The following UBASH3B variants were observed in gnomAD, a reference collection of about 807,000 sequenced individuals.
The protein encoded by UBASH3B is ubiquitin associated and SH3 domain containing B.
In UBASH3B, 37 loss-of-function variants were observed where a neutral mutation model predicts 83.4. That is an observed-to-expected ratio of 0.44 (90% confidence interval 0.34 to 0.58). UBASH3B has a LOEUF of 0.58. Ranked by LOEUF, UBASH3B falls within the 20% of genes least tolerant of loss-of-function variation. The probability of loss-of-function intolerance (pLI) is 0.01; values close to 1 mark genes in which losing one functional copy is unlikely to be tolerated. For missense variants in UBASH3B, 657 were observed against 827.2 expected, an observed-to-expected ratio of 0.79 and a Z score of 2.52; for synonymous variants, 304 against 318.3, an observed-to-expected ratio of 0.96 and a Z score of 0.48.
At chr11:122,764,178 GA>G (rs1860494030) in intron 1 of UBASH3B, among the ~76,000 whole-genome samples, 1 of 152,176 alleles carries the variant, frequency 6.6e-6, no homozygotes, top group South Asian at 2.1e-4. Flanking sequence ...ATATCCATGA[GA>G]AGAGGAAAAA....
At chr11:122,802,764 C>G (rs1397779370) in intron 11 of UBASH3B, among the ~76,000 whole-genome samples, 1 of 152,054 alleles carries the variant, frequency 6.6e-6, no homozygotes, top group African/African-American at 2.4e-5. Flanking sequence ...TGTTCTATCC[C>G]CTCTCTGGCC....
intron 1 of UBASH3B, among the ~76,000 whole-genome samples, chr11:122,769,437 G>A (rs1022989131): frequency 6.6e-6 from 1 of 152,184 alleles, no homozygotes; most frequent in African/African-American, 2.4e-5. Flanking sequence ...AAGGTTTAAA[G>A]TCTGAAGTGC....
intron 1 of UBASH3B, among the ~76,000 whole-genome samples, chr11:122,675,676 G>A (rs1442908110): frequency 6.6e-6 from 1 of 152,176 alleles, no homozygotes; most frequent in Non-Finnish European, 1.5e-5. Context: ...AAGCACTGGG[G>A]TCCATGGCCC....
At chr11:122,794,179 AC>A (rs934372415) in intron 6 of UBASH3B, among the ~76,000 whole-genome samples, 3 of 152,014 alleles carry the variant, frequency 2.0e-5, no homozygotes, top group Admixed American at 6.6e-5. Context: ...AAATCCATCT[AC>A]CTCTAATTTA....
rs116444724 is a variant in UBASH3B, at chr11:122,701,746, G to A, written c.161+45536G>A. Among the ~76,000 whole-genome samples the A allele has an allele frequency of 2.7e-3, 417 of 152,258 alleles. 3 individuals carry two copies. The highest frequency in any genetic ancestry group is 9.6e-3 in the African/African-American group (397 of 41,570). On this transcript the variant is annotated intron_variant, in intron 1 of 13. Coordinates refer to ENST00000284273, the MANE Select transcript of UBASH3B (RefSeq NM_032873.5). ...CCTCAAGATGTCCTTGCTTTGGTCT[G>A]AAAACCTCTCCTGACAACTTTTGCC...
At chr11:122,800,383 C>CAAAAAAAAAAAA (rs540359065) in intron 10 of UBASH3B, among the ~76,000 whole-genome samples, 1 of 76,656 alleles carries the variant, frequency 1.3e-5, no homozygotes, top group Non-Finnish European at 2.8e-5. Context: ...ACTAAAAATA[C>CAAAAAAAAAAAA]AAAAAAAAAA....
At chr11:122,672,567 CT>C (rs1245201307) in intron 1 of UBASH3B, among the ~76,000 whole-genome samples, 2 of 152,184 alleles carry the variant, frequency 1.3e-5, no homozygotes, top group Admixed American at 1.3e-4. Context: ...CTCAGGTGAT[CT>C]GCCTGTTTCG....
At chr11:122,675,555 C>G (rs1863656675) in intron 1 of UBASH3B, among the ~76,000 whole-genome samples, 1 of 152,232 alleles carries the variant, frequency 6.6e-6, no homozygotes, top group South Asian at 2.1e-4. Flanking sequence ...AGTTCTAGAA[C>G]TAGCTCAGCC....
chr11:122,666,802 T>A (rs978195151), intron 1 of UBASH3B, among the ~76,000 whole-genome samples: 7 of 152,056 alleles, frequency 4.6e-5, no homozygotes, highest in Non-Finnish European at 1.5e-5. Flanking sequence ...ATTTTACCCA[T>A]CCTGGAGAAC....
intron 1 of UBASH3B, among the ~76,000 whole-genome samples, chr11:122,751,065 C>T (rs1357167095): frequency 1.3e-5 from 2 of 152,116 alleles, no homozygotes; most frequent in African/African-American, 4.8e-5. Flanking sequence ...CGGAAAGAAC[C>T]GTACCACGCG....
chr11:122,806,610 C>A lies in UBASH3B; in HGVS notation c.1702+94C>A. On this transcript the variant is annotated intron_variant, in intron 12 of 13. Transcript: ENST00000284273. This position sits in a 1 kb window ranked among gnomAD's most constrained non-coding sequence, Gnocchi z 4.0. ...TTCAAGATGTTTCAACTTGCTTTGG[C>A]TAACCAAAGAAATGTATTTCCAGAT... is the stretch of plus-strand genomic sequence containing the variant. 1 of 1,369,166 alleles carries A rather than the reference C, an allele frequency of 7.3e-7. No individual in the cohort carries two copies. The highest frequency in any genetic ancestry group is 9.5e-7 in the Non-Finnish European group (1 of 1,057,456). 84.8% of individuals were successfully genotyped at this position (1,369,166 alleles called of 1,614,324 possible). A position where few individuals can be genotyped will look rare whatever the true frequency, so the allele number is the denominator to read the frequency against.
intron 1 of UBASH3B, among the ~76,000 whole-genome samples, chr11:122,725,851 G>A (rs1422020957): frequency 3.3e-5 from 5 of 151,840 alleles, no homozygotes; most frequent in South Asian, 2.1e-4. Context: ...GCACCACCAC[G>A]CCGGCCAATT....
chr11:122,706,354 C>CT (rs1487002691), intron 1 of UBASH3B, among the ~76,000 whole-genome samples: 1 of 152,122 alleles, frequency 6.6e-6, no homozygotes, highest in Non-Finnish European at 1.5e-5. Context: ...CTCTCCATTG[C>CT]TATACACTTT....
intron 1 of UBASH3B, among the ~76,000 whole-genome samples, chr11:122,699,792 C>G (rs1482910288): frequency 2.0e-5 from 3 of 152,084 alleles, no homozygotes; most frequent in Non-Finnish European, 4.4e-5. Flanking sequence ...CCATGTTGCT[C>G]TGGCTGGTCT....
chr11:122,738,061 A>G (rs1417330687), intron 1 of UBASH3B, among the ~76,000 whole-genome samples: 1 of 152,212 alleles, frequency 6.6e-6, no homozygotes. Flanking sequence ...GGAAAGTAAA[A>G]GTAGAGAACA....
chr11:122,785,963 A>G (rs1860941643), intron 5 of UBASH3B, among the ~76,000 whole-genome samples: 1 of 152,222 alleles, frequency 6.6e-6, no homozygotes, highest in African/African-American at 2.4e-5. Context: ...CATTTCATTC[A>G]GCAAACTGAG....
intron 1 of UBASH3B, among the ~76,000 whole-genome samples, chr11:122,760,445 C>T (rs1366869785): frequency 6.6e-6 from 1 of 152,012 alleles, no homozygotes; most frequent in African/African-American, 2.4e-5. Context: ...ACTGCAACCT[C>T]CGCCTCCCGG....
intron 1 of UBASH3B, among the ~76,000 whole-genome samples, chr11:122,660,967 G>A (rs1475696036): frequency 2.6e-5 from 4 of 152,230 alleles, no homozygotes; most frequent in Non-Finnish European, 2.9e-5. Context: ...GCTTCTGTGC[G>A]TGGCAAGACC....
At position 122,809,614 on chromosome 11, in the gene UBASH3B, A is replaced by C. The variant is rs1861403466; in HGVS notation, c.1813-135A>C. The C allele has an allele frequency of 4.9e-6, 4 of 823,030 alleles. No homozygotes were observed. In the South Asian group the frequency reaches 7.4e-5, roughly 15 times the overall value. 51.0% of individuals were successfully genotyped at this position (823,030 alleles called of 1,614,324 possible). A position where few individuals can be genotyped will look rare whatever the true frequency, so the allele number is the denominator to read the frequency against. On this transcript the variant is annotated intron_variant, in intron 13 of 13. Coordinates refer to ENST00000284273, the MANE Select transcript of UBASH3B (RefSeq NM_032873.5). Reference sequence around the variant, plus strand: ...TTTTATTTATCGATTTTTGAAGGGAATGCATTTCTACAAAGCCACTATCCA... The same window carrying C: ...TTTTATTTATCGATTTTTGAAGGGACTGCATTTCTACAAAGCCACTATCCA...
Sources: allele counts gnomAD v4.1 joint callset (sites outside exome capture counted in the v4.1 genomes callset), GRCh38; gene constraint gnomAD v4.1.1; non-coding constraint Gnocchi (gnomAD v3.1); transcripts MANE v1.5; gene names NCBI Gene and HGNC (gene_info 2026-07-23, HGNC 2026-07-21).